The following PCDHA9 variants were observed in gnomAD, a reference collection of about 807,000 sequenced individuals.
PCDHA9 encodes the protein protocadherin alpha-9.
In PCDHA9, 62 loss-of-function variants were observed where a neutral mutation model predicts 62.0. The observed-to-expected ratio is 1.00, with a 90% CI of 0.81 to 1.23. The LOEUF (loss-of-function observed/expected upper bound fraction) is 1.23. PCDHA9 is among the 50% of genes most tolerant of loss of function. The pLI, the probability that PCDHA9 is intolerant of heterozygous loss-of-function variation, is 0.00. For missense variants in PCDHA9, 1,205 were observed against 1,249.8 expected, an observed-to-expected ratio of 0.96 and a Z score of 0.54; for synonymous variants, 557 against 567.6, an observed-to-expected ratio of 0.98 and a Z score of 0.27.
chr5:140,884,515 G>GCCTCTGATAAGCACAA, intron 1 of PCDHA9: 1 of 1,614,174 alleles, frequency 6.2e-7, no homozygotes. Flanking sequence ...GGAGTTGGTC[G>GCCTCTGATAAGCACAA]TACTCGCAGC....
At chr5:140,905,669 A>G (rs781948009) in intron 1 of PCDHA9, among the ~76,000 whole-genome samples, 11 of 152,228 alleles carry the variant, frequency 7.2e-5, no homozygotes, top group Admixed American at 2.0e-4. Flanking sequence ...ATCCATTAAC[A>G]TGGAACATAT....
chr5:140,928,368 A>G, intron 1 of PCDHA9: 3 of 1,614,212 alleles, frequency 1.9e-6, no homozygotes, highest in Non-Finnish European at 2.5e-6. Context: ...CTGAAGGGCC[A>G]TCAGCCTCTA....
chr5:140,891,974 C>T (rs2063333007), intron 1 of PCDHA9, among the ~76,000 whole-genome samples: 1 of 152,170 alleles, frequency 6.6e-6, no homozygotes, highest in South Asian at 2.1e-4. Context: ...AATTTCCGTT[C>T]TCATAAATTA....
chr5:140,879,612 G>T (rs1554170881), intron 1 of PCDHA9, among the ~76,000 whole-genome samples: 1 of 152,172 alleles, frequency 6.6e-6, no homozygotes, highest in East Asian at 1.9e-4. Context: ...ATGTGTCCAG[G>T]TACTTAGGTG....
In PCDHA9 at chr5:140,850,694, G is replaced by A. The variant is rs2150494629; in HGVS notation, c.2199G>A (p.Ala733=). ...CGATGCCCACCGAGGGCGAGTGCGC[G>A]CCTGGCAAGCCGACGCTGGTGTGTT... ...CSAMPTEGEC[A]PGKPTLVCSS... The change falls in exon 1 of 4, where the codon GCG becomes GCA. Residue 733 remains alanine (A), a synonymous_variant. Coordinates refer to ENST00000532602, the MANE Select transcript of PCDHA9 (RefSeq NM_031857.2). 483 of 1,598,228 alleles carry A rather than the reference G, an allele frequency of 3.0e-4. 44 individuals are homozygous for A. Among genetic ancestry groups the A allele is most frequent in the Non-Finnish European group, 3.8e-4 (449 of 1,167,808 alleles).
chr5:140,863,469 G>A (rs2153224585), intron 1 of PCDHA9: 1 of 498,172 alleles, frequency 2.0e-6, no homozygotes, highest in Non-Finnish European at 4.0e-6. Context: ...TTACTCTGGA[G>A]AGTCGCCTCC....
intron 1 of PCDHA9, among the ~76,000 whole-genome samples, chr5:140,923,976 A>G (rs1257687753): frequency 6.6e-6 from 1 of 152,176 alleles, no homozygotes; most frequent in Non-Finnish European, 1.5e-5. Context: ...CACACATACT[A>G]TCCCTCTAGG....
intron 3 of PCDHA9, among the ~76,000 whole-genome samples, chr5:141,004,120 T>C (rs1340380913): frequency 6.6e-6 from 1 of 152,178 alleles, no homozygotes; most frequent in African/African-American, 2.4e-5. Flanking sequence ...AAAGGGAGTA[T>C]CTCCATGATT....
intron 1 of PCDHA9, chr5:140,969,008 G>A (rs782541476): frequency 6.2e-7 from 1 of 1,614,194 alleles, no homozygotes; most frequent in Non-Finnish European, 8.5e-7. Context: ...CTTCTGTGGA[G>A]TAAGGGAAAG....
At chr5:140,967,792 A>C (rs371669028) in intron 1 of PCDHA9, 5 of 1,614,212 alleles carry the variant, frequency 3.1e-6, no homozygotes, top group Non-Finnish European at 4.2e-6. Flanking sequence ...ACCGGGGTCC[A>C]GTGCCCATGG....
At chr5:140,927,158 C>G in intron 1 of PCDHA9, 1 of 1,614,166 alleles carries the variant, frequency 6.2e-7, no homozygotes, top group Non-Finnish European at 8.5e-7. Context: ...CTGTGCAGGG[C>G]CAAAGCTGCC....
chr5:140,934,490 C>T (rs189772593), intron 1 of PCDHA9, among the ~76,000 whole-genome samples: 35 of 152,244 alleles, frequency 2.3e-4, no homozygotes, highest in Admixed American at 1.4e-3. Context: ...ATATTCACCT[C>T]ATAAACACCC....
At chr5:140,895,072 A>G (rs974661383) in intron 1 of PCDHA9, among the ~76,000 whole-genome samples, 1 of 152,090 alleles carries the variant, frequency 6.6e-6, no homozygotes, top group Admixed American at 6.5e-5. Flanking sequence ...CTCAATTCCT[A>G]TCAGTTCCTC....
intron 1 of PCDHA9, among the ~76,000 whole-genome samples, chr5:140,938,340 T>A (rs1210571018): frequency 6.6e-6 from 1 of 152,224 alleles, no homozygotes; most frequent in Non-Finnish European, 1.5e-5. Flanking sequence ...TAATGGATAA[T>A]CTTGTCTTAT....
intron 1 of PCDHA9, chr5:140,869,408 G>T (rs782029332): frequency 2.0e-5 from 32 of 1,614,106 alleles, no homozygotes; most frequent in Non-Finnish European, 2.7e-5. Context: ...AGCGCGGAGT[G>T]CAGCATCCAC....
At chr5:140,872,589 C>T (rs1242242642) in intron 1 of PCDHA9, among the ~76,000 whole-genome samples, 1 of 151,922 alleles carries the variant, frequency 6.6e-6, no homozygotes, top group African/African-American at 2.4e-5. Flanking sequence ...ATCGTGAGAC[C>T]CCCATCTGAA....
At chr5:140,965,128 A>G (rs2095876420) in intron 1 of PCDHA9, among the ~76,000 whole-genome samples, 1 of 152,244 alleles carries the variant, frequency 6.6e-6, no homozygotes, top group African/African-American at 2.4e-5. Flanking sequence ...AGATCTACAG[A>G]TGACAGAATA....
intron 1 of PCDHA9, among the ~76,000 whole-genome samples, chr5:140,917,083 T>C (rs2077876290): frequency 6.6e-6 from 1 of 152,078 alleles, no homozygotes; most frequent in South Asian, 2.1e-4. Flanking sequence ...TAATGTAAAG[T>C]TCCCCAGTTG....
chr5:140,997,610 C>A (rs1223241020), intron 3 of PCDHA9, among the ~76,000 whole-genome samples: 1 of 151,776 alleles, frequency 6.6e-6, no homozygotes, highest in Non-Finnish European at 1.5e-5. Flanking sequence ...GGGCGCATGA[C>A]TATATAGAGA....
Sources: allele counts gnomAD v4.1 joint callset (sites outside exome capture counted in the v4.1 genomes callset), GRCh38; gene constraint gnomAD v4.1.1; transcripts MANE v1.5; gene names NCBI Gene and HGNC (gene_info 2026-07-23, HGNC 2026-07-21).